Variants in MBTPS1 observed in about 807,000 individuals in gnomAD.
MBTPS1 encodes membrane bound transcription factor peptidase, site 1.
In MBTPS1, 94 loss-of-function variants were observed where a neutral mutation model predicts 127.8. The observed-to-expected ratio is 0.74, with a 90% CI of 0.62 to 0.87. The LOEUF is 0.87. Among genes scored for constraint, MBTPS1 ranks in the 40% least tolerant of loss-of-function variants. The pLI is 0.00. For missense variants in MBTPS1, 1,636 were observed against 1,353.2 expected (o/e 1.21, Z -3.28); for synonymous variants, 632 against 509.4 (o/e 1.24, Z -3.24).
intron 10 of MBTPS1, among the ~76,000 whole-genome samples, chr16:84,084,771 T>C (rs2085995170): frequency 6.6e-6 from 1 of 152,138 alleles, no homozygotes; most frequent in Non-Finnish European, 1.5e-5. Flanking sequence ...CTTAGGCTTA[T>C]AAAGTGTGTT....
intron 20 of MBTPS1, chr16:84,060,334 T>C (rs928393298): frequency 5.2e-6 from 1 of 191,800 alleles, no homozygotes; most frequent in Non-Finnish European, 1.1e-5. Flanking sequence ...GCATGGGACC[T>C]GGCAAGTGCT....
intron 17 of MBTPS1, among the ~76,000 whole-genome samples, chr16:84,066,110 C>T (rs1321905645): frequency 1.3e-5 from 2 of 152,178 alleles, no homozygotes; most frequent in East Asian, 1.9e-4. Flanking sequence ...AGAATGCTTA[C>T]GACGTTGTTC....
In MBTPS1 at chr16:84,091,776, T is replaced by G. The variant is rs779300520; in HGVS notation, c.919A>C (p.Ser307Arg). 3.1e-6 allele frequency: 5 copies of G among 1,614,034 alleles called. No individual in the cohort carries two copies. The change falls in exon 7 of 23, where the codon AGC (serine) becomes CGC (arginine). Residue 307 changes from serine to arginine, a missense_variant. Transcript: ENST00000343411. ...TCCATGAAGTCCGGGCCGCCGATGC[T>G]GAGGTTTAACACGTCGATCTTCTTT... The part of the protein sequence containing the change: ...ILKKIDVLNL[S>R]IGGPDFMDHP...
chr16:84,060,927 G>A, intron 19 of MBTPS1, 114 bp from the exon 20 acceptor site: 1 of 976,100 alleles, frequency 1.0e-6, no homozygotes, highest in Non-Finnish European at 1.5e-6. Flanking sequence ...TTGAGCTCCT[G>A]GGCTCAAGTG....
intron 21 of MBTPS1, chr16:84,056,933 ACTCTGG>A (rs1228211318): frequency 1.3e-5 from 2 of 152,104 alleles, no homozygotes; most frequent in Non-Finnish European, 2.9e-5. Flanking sequence ...GAAAAACACT[ACTCTGG>A]CTTAAGTGAG....
chr16:84,060,252 T>A (rs1381859332), intron 20 of MBTPS1: 3 of 153,766 alleles, frequency 2.0e-5, no homozygotes, highest in African/African-American at 7.2e-5. Flanking sequence ...AAACTGGGAA[T>A]AATAACATCT....
At chr16:84,073,188 C>G (rs1026244489) in intron 12 of MBTPS1, among the ~76,000 whole-genome samples, 6 of 152,186 alleles carry the variant, frequency 3.9e-5, no homozygotes, top group African/African-American at 1.4e-4. Context: ...GGTTGGAGTA[C>G]AGTGGCATGA....
chr16:84,067,261 T>TA (rs1295832149), intron 16 of MBTPS1, among the ~76,000 whole-genome samples: 1 of 152,192 alleles, frequency 6.6e-6, no homozygotes, highest in Non-Finnish European at 1.5e-5. Flanking sequence ...GAACCCTCTA[T>TA]ATTATTAACA....
Position 84,099,223 on chromosome 16 carries a change from T to A in MBTPS1, c.251A>T (p.Asn84Ile). Residue 84 changes from asparagine (N) to isoleucine (I), a missense_variant, in exon 3 of 23, where the codon AAT becomes ATT. By Grantham distance (149) the Asn-to-Ile change is moderately radical (BLOSUM62 -3). Coordinates refer to ENST00000343411, the MANE Select transcript of MBTPS1 (RefSeq NM_003791.4). ...SSALKSSEVDNWRIIPRNNPS... is the reference protein window; with the variant it reads ...SSALKSSEVDIWRIIPRNNPS... ...ATTGTTTCGAGGTATAATTCTCCAA[T>A]TGTCTACTTCACTGCTCTTCAGGGC... is the stretch of plus-strand genomic sequence containing the variant. 6 of 1,614,188 alleles carry A rather than the reference T, an allele frequency of 3.7e-6. No homozygotes were observed. The highest frequency in any genetic ancestry group is 5.1e-6 in the Non-Finnish European group (6 of 1,180,000).
intron 11 of MBTPS1, among the ~76,000 whole-genome samples, chr16:84,076,317 T>C (rs574181991): frequency 6.6e-6 from 1 of 152,070 alleles, no homozygotes; most frequent in Non-Finnish European, 1.5e-5. Flanking sequence ...ATACACACCT[T>C]AGGGATAAAT....
In MBTPS1 at chr16:84,060,751, G is replaced by C; in HGVS notation, c.2635C>G (p.Leu879Val). The C allele has an allele frequency of 1.2e-6, 2 of 1,611,488 alleles. No homozygotes were observed. The highest frequency in any genetic ancestry group is 1.1e-5 in the South Asian group (1 of 90,338). The change falls in exon 20 of 23, where the codon CTC becomes GTC. Residue 879 changes from leucine to valine, a missense_variant. Coordinates refer to ENST00000343411, the MANE Select transcript of MBTPS1 (RefSeq NM_003791.4). Reference sequence around the variant, plus strand: ...CGCTGGCGGTTCCCAGAGTGACTGAGGCTAGGCGGTGTCACCCCATACGAT... The same window carrying C: ...CGCTGGCGGTTCCCAGAGTGACTGACGCTAGGCGGTGTCACCCCATACGAT... ...YTSYGVTPPS[L>V]SHSGNRQRPP... is the part of the protein sequence containing the mutation.
Position 84,054,233 on chromosome 16 carries a change from C to G in MBTPS1, c.*216G>C, listed in dbSNP as rs1226372851. Reference sequence around the variant, plus strand: ...GCGGGAAGTCTCACTGGCGGCAGAGCCACTAAGTCCCTCCTGACGGGATCC... The same window carrying G: ...GCGGGAAGTCTCACTGGCGGCAGAGGCACTAAGTCCCTCCTGACGGGATCC... On this transcript the variant is annotated 3_prime_UTR_variant, in exon 23 of 23. Coordinates refer to ENST00000343411, the MANE Select transcript of MBTPS1 (RefSeq NM_003791.4). The G allele has an allele frequency of 2.6e-6, 1 of 388,266 alleles. No homozygotes were observed. The highest frequency in any genetic ancestry group is 4.6e-6 in the Non-Finnish European group (1 of 218,088). The allele number at this position is 388,266 out of a possible 1,614,324, so 24.1% of individuals were successfully genotyped here.
chr16:84,098,162 C>A (rs192428246), intron 3 of MBTPS1, among the ~76,000 whole-genome samples: 240 of 152,252 alleles, frequency 1.6e-3, no homozygotes, highest in Non-Finnish European at 2.6e-3. Context: ...AAAGACTAAG[C>A]CCTGGAGAAG....
chr16:84,087,463 A>G lies in MBTPS1; in HGVS notation c.1032-3T>C. The G allele has an allele frequency of 6.9e-7, 1 of 1,442,286 alleles. No homozygotes were observed. The highest frequency in any genetic ancestry group is 9.5e-7 in the Non-Finnish European group (1 of 1,056,610). 89.3% of individuals were successfully genotyped at this position (1,442,286 alleles called of 1,614,324 possible). On this transcript the variant is annotated splice_region_variant and splice_polypyrimidine_tract_variant and intron_variant, in intron 8 of 22. Transcript: ENST00000343411. ...GATCAGCAGGGTTATTCAGAGTGCT[A>G]TATTGAGACCAAAAAAAAAAAAAAA...
intron 1 of MBTPS1, 50 bp from the exon 2 acceptor site, chr16:84,102,157 G>GAT (rs2086266716): frequency 6.2e-6 from 1 of 162,092 alleles, no homozygotes; most frequent in African/African-American, 2.4e-5. Flanking sequence ...AACTGACATA[G>GAT]CCAGGTATGA....
At chr16:84,100,738 A>G (rs1295799392) in intron 2 of MBTPS1, among the ~76,000 whole-genome samples, 1 of 152,150 alleles carries the variant, frequency 6.6e-6, no homozygotes, top group East Asian at 1.9e-4. Context: ...CAAAAGAAAA[A>G]GAAAAGAAGG....
chr16:84,107,908 G>C (rs545915359), intron 1 of MBTPS1, among the ~76,000 whole-genome samples: 62 of 127,974 alleles, frequency 4.8e-4, no homozygotes, highest in Non-Finnish European at 4.2e-4. Context: ...GTCTCACCTT[G>C]TTGCCCAGGC....
At chr16:84,079,854 T>C (rs536825710) in intron 11 of MBTPS1, among the ~76,000 whole-genome samples, 1 of 152,380 alleles carries the variant, frequency 6.6e-6, no homozygotes, top group East Asian at 1.9e-4. Flanking sequence ...CGTATGTGTC[T>C]GTGCACGTGT....
chr16:84,073,234 A>C (rs2085800077), intron 12 of MBTPS1, among the ~76,000 whole-genome samples: 2 of 152,170 alleles, frequency 1.3e-5, no homozygotes, highest in Admixed American at 1.3e-4. Flanking sequence ...CCCAGGTTCA[A>C]GCGATTCTCC....
Sources: gnomAD v4.1 joint callset for allele counts (sites outside exome capture counted in the v4.1 genomes callset) on GRCh38, gnomAD v4.1.1 for gene constraint, MANE v1.5 for transcripts, NCBI Gene and HGNC (gene_info 2026-07-23, HGNC 2026-07-21) for gene names.